CCP110: variants seen among roughly 807,000 people sequenced by gnomAD.
CCP110 encodes the protein centriolar coiled-coil protein of 110 kDa.
CCP110 carries 43 observed loss-of-function variants against 105.5 expected under a neutral mutation model. The observed-to-expected ratio is 0.41, with a 90% CI of 0.32 to 0.53. CCP110 has a LOEUF of 0.53. CCP110 is among the 20% of genes least tolerant of loss of function. The probability of loss-of-function intolerance (pLI) is 0.32; values close to 1 mark genes in which losing one functional copy is unlikely to be tolerated. For synonymous variants in CCP110, 353 were observed against 392.1 expected, an observed-to-expected ratio of 0.90 and a Z score of 1.18; for missense variants, 1,016 against 1,189.1, an observed-to-expected ratio of 0.85 and a Z score of 2.14.
In CCP110 at chr16:19,536,740, T is replaced by TA; in HGVS notation, c.1072dup (p.Thr358AsnfsTer9). On this transcript the variant is annotated frameshift_variant, in exon 4 of 15. Coordinates refer to ENST00000381396, the Ensembl canonical transcript of CCP110. LOFTEE classifies it high-confidence loss of function. Reference sequence around the variant, plus strand: ...CCGAAAATAATGTTATCAAAAGTCTTACAGGTTCATATGCCAAATTACCTA... The same window carrying TA: ...CCGAAAATAATGTTATCAAAAGTCTTAACAGGTTCATATGCCAAATTACCTA... 3.7e-6 allele frequency: 6 copies of TA among 1,614,188 alleles called. No homozygotes were observed. Among genetic ancestry groups the TA allele is most frequent in the Non-Finnish European group, 5.1e-6 (6 of 1,180,028 alleles).
In CCP110 at chr16:19,548,394, T is replaced by C; in HGVS notation, c.2901-121T>C. ...TCCTTACTGTGCGCATGCATGAGAC[T>C]TCAGTTCTTTTCAAGCTTATTTGTG... On this transcript the variant is annotated intron_variant, in intron 13 of 14. Transcript: ENST00000381396. The surrounding 1 kb of genome is among the most constrained non-coding windows in gnomAD (Gnocchi z 4.1). The C allele has an allele frequency of 1.5e-6, 1 of 670,794 alleles. No homozygotes were observed. Among genetic ancestry groups the C allele is most frequent in the South Asian group, 2.0e-5 (1 of 48,782 alleles). The allele number at this position is 670,794 out of a possible 1,614,324, so 41.6% of individuals were successfully genotyped here. A position where few individuals can be genotyped will look rare whatever the true frequency, so the allele number is the denominator to read the frequency against.
chr16:19,550,700 T>C (rs2151486823), intron 14 of CCP110, among the ~76,000 whole-genome samples: 1 of 152,378 alleles, frequency 6.6e-6, no homozygotes, highest in Non-Finnish European at 1.5e-5. Flanking sequence ...AATATCATAC[T>C]CTTAGACTGA....
In CCP110 at chr16:19,541,534, G is replaced by A. The variant is rs1385739137; in HGVS notation, c.2050-353G>A. 3.3e-5 allele frequency among the ~76,000 whole-genome samples: 5 copies of A among 151,836 alleles called. No individual in the cohort carries two copies. The East Asian group carries it at 9.7e-4, about 30-fold the overall frequency. ...CCAGCTACTTGGGAAACTGAGGCAG[G>A]AGAATCACTTGAACCCGCAAGGTGG... is the stretch of plus-strand genomic sequence containing the variant. On this transcript the variant is annotated intron_variant, in intron 5 of 14. Coordinates refer to ENST00000381396, the Ensembl canonical transcript of CCP110.
At chr16:19,528,855 A>C (rs995400256) in intron 2 of CCP110, among the ~76,000 whole-genome samples, 1 of 152,128 alleles carries the variant, frequency 6.6e-6, no homozygotes, top group East Asian at 1.9e-4. Flanking sequence ...TCAGGATTGC[A>C]TCATTGCCTG....
intron 5 of CCP110, among the ~76,000 whole-genome samples, chr16:19,541,174 C>G (rs187785876): frequency 6.6e-6 from 1 of 151,734 alleles, no homozygotes; most frequent in East Asian, 1.9e-4. Flanking sequence ...ATTGCTTGAG[C>G]CCAGAAATTC....
At chr16:19,547,056 G>C (rs1970486507) in intron 12 of CCP110, 1 of 152,456 alleles carries the variant, frequency 6.6e-6, no homozygotes, top group Admixed American at 6.5e-5. Context: ...GGTATGTCTT[G>C]AGTTCAGTTA....
chr16:19,549,200 T>G (rs1368191849), intron 14 of CCP110, among the ~76,000 whole-genome samples: 1 of 152,220 alleles, frequency 6.6e-6, no homozygotes, highest in East Asian at 1.9e-4. Flanking sequence ...ACCAAATGCT[T>G]TAATATTTTT....
Position 19,537,418 on chromosome 16 carries a change from A to T in CCP110, c.1749A>T (p.Lys583Asn), listed in dbSNP as rs17227190. The T allele has an allele frequency of 8.8e-5, 142 of 1,613,634 alleles. No homozygotes were observed. The Admixed American group carries it at 1.6e-3, about 19-fold the overall frequency. ...AATTTTTGGATAACAGTTTTGAGAA[A>T]GTTAAACGGAGACTTGATTTAGATA... is the stretch of plus-strand genomic sequence containing the variant. The change falls in exon 4 of 15, where the codon AAA becomes AAT. Residue 583 changes from lysine (K) to asparagine (N), a missense_variant. Transcript: ENST00000381396.
chr16:19,545,029 A>G, intron 9 of CCP110, 65 bp from the exon 10 acceptor site: 1 of 1,033,870 alleles, frequency 9.7e-7, no homozygotes. Flanking sequence ...TACATGGTAT[A>G]TAGTATTCCT....
intron 3 of CCP110, among the ~76,000 whole-genome samples, chr16:19,535,243 A>G (rs1567352506): frequency 6.6e-6 from 1 of 151,946 alleles, no homozygotes; most frequent in Admixed American, 6.6e-5. Flanking sequence ...AGTTTAATAT[A>G]CGGATGTATA....
chr16:19,536,672 C>G (rs753130901), exon 4 of CCP110: 6 of 1,614,036 alleles, frequency 3.7e-6, no homozygotes, highest in Admixed American at 1.7e-5. Flanking sequence ...TCCCACTGTT[C>G]TAGAGTCTAA....
At chr16:19,536,833 A>G in exon 4 of CCP110, 1 of 1,614,152 alleles carries the variant, frequency 6.2e-7, no homozygotes, top group Non-Finnish European at 8.5e-7. Flanking sequence ...CGTGTCATAT[A>G]CTTATAAATA....
intron 1 of CCP110, chr16:19,526,222 A>C (rs1295997720): frequency 6.6e-6 from 1 of 152,268 alleles, no homozygotes; most frequent in East Asian, 1.9e-4. Flanking sequence ...AACTATGGCC[A>C]TAAAAGTATT....
At chr16:19,541,717 G>GAGGGA (rs375814224) in intron 5 of CCP110, among the ~76,000 whole-genome samples, 170 bp from the exon 6 acceptor site, 1 of 149,086 alleles carries the variant, frequency 6.7e-6, no homozygotes, top group Non-Finnish European at 1.5e-5. Flanking sequence ...AAGAGGGAGG[G>GAGGGA]AGGGAAGGGA....
At chr16:19,535,127 G>T (rs1338817626) in intron 3 of CCP110, among the ~76,000 whole-genome samples, 2 of 151,946 alleles carry the variant, frequency 1.3e-5, no homozygotes, top group African/African-American at 4.8e-5. Context: ...TGATCCGCCC[G>T]CCTCGGCCTC....
rs936073727 is a variant in CCP110, at chr16:19,548,908, A to G, written c.2986+308A>G. On this transcript the variant is annotated intron_variant, in intron 14 of 14. Transcript: ENST00000381396. This position sits in a 1 kb window ranked among gnomAD's most constrained non-coding sequence, Gnocchi z 4.1. ...AAAACCTTTTTATTTAATGAATAAA[A>G]GATAACGATCATCTCTGGTGCTAAG... Among the ~76,000 whole-genome samples the G allele has an allele frequency of 3.9e-5, 6 of 152,232 alleles. No homozygotes were observed. Among genetic ancestry groups the G allele is most frequent in the African/African-American group, 1.2e-4 (5 of 41,476 alleles).
chr16:19,535,659 CAT>C (rs942613395), intron 3 of CCP110, among the ~76,000 whole-genome samples: 30 of 152,114 alleles, frequency 2.0e-4, no homozygotes, highest in African/African-American at 7.2e-4. Flanking sequence ...TGTGTATACA[CAT>C]ATATATGTTC....
chr16:19,550,111 A>AAT (rs1207947479), intron 14 of CCP110, among the ~76,000 whole-genome samples: 21 of 152,076 alleles, frequency 1.4e-4, no homozygotes, highest in Non-Finnish European at 2.9e-4. Context: ...TTACTTATAC[A>AAT]TGAGTGCATA....
chr16:19,540,742 A>G, exon 5 of CCP110: 1 of 1,613,770 alleles, frequency 6.2e-7, no homozygotes. Context: ...AGCAATTATC[A>G]CTACTCATAG....
Sources: allele counts gnomAD v4.1 joint callset (sites outside exome capture counted in the v4.1 genomes callset), GRCh38; gene constraint gnomAD v4.1.1; non-coding constraint Gnocchi (gnomAD v3.1); transcripts MANE v1.5; gene names NCBI Gene and HGNC (gene_info 2026-07-23, HGNC 2026-07-21).